Variants in AGAP1 observed in about 807,000 individuals in gnomAD.
AGAP1 encodes arf-GAP with GTPase, ANK repeat and PH domain-containing protein 1.
Under a neutral mutation model 105.3 loss-of-function variants are expected in AGAP1, and 29 were observed. That is an observed-to-expected ratio of 0.28 (90% CI 0.21 to 0.38). The LOEUF is 0.38. Ranked by LOEUF, AGAP1 falls within the 10% of genes least tolerant of loss-of-function variation. AGAP1 has a pLI of 1.00. For missense variants in AGAP1, 998 were observed against 1,165.1 expected (o/e 0.86, Z 2.09); for synonymous variants, 509 against 485.9 (o/e 1.05, Z -0.63).
At chr2:235,498,461 A>G (rs1334410469) in intron 1 of AGAP1, among the ~76,000 whole-genome samples, 1 of 152,174 alleles carries the variant, frequency 6.6e-6, no homozygotes, top group Non-Finnish European at 1.5e-5. Context: ...CGCAGCCACC[A>G]TGCCCAGAAA....
chr2:235,807,055 T>G (rs1447909505), intron 8 of AGAP1, among the ~76,000 whole-genome samples, 184 bp from the exon 9 acceptor site: 1 of 152,198 alleles, frequency 6.6e-6, no homozygotes, highest in East Asian at 1.9e-4. Context: ...ATGATTCTCT[T>G]TAAAAATGAT....
At chr2:235,544,539 C>A (rs1943561336) in intron 1 of AGAP1, among the ~76,000 whole-genome samples, 1 of 152,192 alleles carries the variant, frequency 6.6e-6, no homozygotes, top group Non-Finnish European at 1.5e-5. Flanking sequence ...AGGCGAGGAG[C>A]CAGCCGGGCC....
intron 1 of AGAP1, among the ~76,000 whole-genome samples, chr2:235,523,821 C>T (rs750728339): frequency 7.9e-5 from 12 of 151,240 alleles, no homozygotes; most frequent in Non-Finnish European, 1.6e-4. Context: ...TGGGAGTGAC[C>T]CTGCTTGGAC....
chr2:235,638,735 C>A (rs1037345804), intron 1 of AGAP1, among the ~76,000 whole-genome samples: 3 of 152,158 alleles, frequency 2.0e-5, no homozygotes, highest in Admixed American at 2.0e-4. Context: ...TCTGGCTTGC[C>A]AGTGGAGAAC....
intron 1 of AGAP1, among the ~76,000 whole-genome samples, chr2:235,584,468 A>G (rs1199277344): frequency 1.4e-5 from 2 of 147,566 alleles, no homozygotes; most frequent in Admixed American, 7.0e-5. Flanking sequence ...AGATGAGGTC[A>G]TACTAGATTG....
chr2:235,654,994 T>C (rs1348296881), intron 1 of AGAP1, among the ~76,000 whole-genome samples: 1 of 152,204 alleles, frequency 6.6e-6, no homozygotes, highest in Non-Finnish European at 1.5e-5. Context: ...AAAATGACTT[T>C]CTGATTGAAT....
At position 235,677,277 on chromosome 2, in the gene AGAP1, C is replaced by T. The variant is rs546594576; in HGVS notation, c.164-31902C>T. Among the ~76,000 whole-genome samples, 5 of 152,254 alleles carry T rather than the reference C, an allele frequency of 3.3e-5. No homozygotes were observed. In the South Asian group the frequency reaches 1.0e-3, roughly 32 times the overall value. Reference sequence around the variant, plus strand: ...GACATCACTAACAGCTCTAAAGACTCAAAGCTTACCAGACAGCACGCTTCC... The same window carrying T: ...GACATCACTAACAGCTCTAAAGACTTAAAGCTTACCAGACAGCACGCTTCC... On this transcript the variant is annotated intron_variant, in intron 1 of 17. Transcript: ENST00000304032.
At chr2:236,122,111 A>G (rs2059914251) in intron 17 of AGAP1, among the ~76,000 whole-genome samples, 1 of 151,974 alleles carries the variant, frequency 6.6e-6, no homozygotes, top group Non-Finnish European at 1.5e-5. Flanking sequence ...CACCCCCATG[A>G]ATGGCAGTTT....
chr2:235,894,568 G>GC (rs1478800493), intron 10 of AGAP1, among the ~76,000 whole-genome samples: 7 of 151,960 alleles, frequency 4.6e-5, no homozygotes, highest in Non-Finnish European at 7.4e-5. Context: ...GTGAACACAT[G>GC]CATAGGACCA....
Position 235,769,563 on chromosome 2 carries a change from T to C in AGAP1, c.673+19075T>C, listed in dbSNP as rs1955250381. On this transcript the variant is annotated intron_variant, in intron 6 of 17. Transcript: ENST00000304032. This position sits in a 1 kb window ranked among gnomAD's most constrained non-coding sequence, Gnocchi z 4.4. ...TTGTTAAAGAAATGCAAACAGTTAGTTGTTCCGTTCATGCTGTTGCGTGAG... is the reference window on the plus strand; with the variant it reads ...TTGTTAAAGAAATGCAAACAGTTAGCTGTTCCGTTCATGCTGTTGCGTGAG... 6.6e-6 allele frequency among the ~76,000 whole-genome samples: 1 copy of C among 152,210 alleles called. No individual in the cohort carries two copies. Among genetic ancestry groups the C allele is most frequent in the Non-Finnish European group, 1.5e-5 (1 of 68,040 alleles).
In AGAP1 at chr2:235,971,906, G is replaced by A. The variant is rs958001690; in HGVS notation, c.1645+3283G>A. 2.6e-5 allele frequency among the ~76,000 whole-genome samples: 4 copies of A among 151,052 alleles called. No homozygotes were observed. The highest frequency in any genetic ancestry group is 4.4e-5 in the Non-Finnish European group (3 of 67,798). ...TGATCTTCCCACCTCAGCCTCCCAA[G>A]TAGCTGGGACCACAGGCAGGCACCA... is the stretch of plus-strand genomic sequence containing the variant. On this transcript the variant is annotated intron_variant, in intron 13 of 17. Coordinates refer to ENST00000304032, the MANE Select transcript of AGAP1 (RefSeq NM_001037131.3). The surrounding 1 kb of genome is among the most constrained non-coding windows in gnomAD (Gnocchi z 4.8).
rs550400897 is a variant in AGAP1 at position 236,078,679 on chromosome 2, G to A, written c.2114+29398G>A. On this transcript the variant is annotated intron_variant, in intron 16 of 17. Transcript: ENST00000304032. The surrounding 1 kb of genome is among the most constrained non-coding windows in gnomAD (Gnocchi z 5.3). Reference sequence around the variant, plus strand: ...TTGACTCCAGATGGGTTTCACACACGTCTGTCCCCTACCTGGCTCCTGTGG... The same window carrying A: ...TTGACTCCAGATGGGTTTCACACACATCTGTCCCCTACCTGGCTCCTGTGG... Among the ~76,000 whole-genome samples the A allele has an allele frequency of 4.6e-5, 7 of 152,298 alleles. No homozygotes were observed. Among genetic ancestry groups the A allele is most frequent in the African/African-American group, 1.7e-4 (7 of 41,582 alleles).
chr2:235,669,225 C>T (rs1274374995), intron 1 of AGAP1, among the ~76,000 whole-genome samples: 1 of 152,162 alleles, frequency 6.6e-6, no homozygotes, highest in East Asian at 1.9e-4. Flanking sequence ...TCCTGGAAGC[C>T]CACTTGTTCC....
At chr2:235,682,120 G>A (rs1040170164) in intron 1 of AGAP1, among the ~76,000 whole-genome samples, 1 of 151,986 alleles carries the variant, frequency 6.6e-6, no homozygotes, top group Non-Finnish European at 1.5e-5. Context: ...CAAAGTGCTG[G>A]GATTACAGGC....
chr2:235,612,045 G>A lies in AGAP1; in HGVS notation c.164-97134G>A, dbSNP rs1057425200. On this transcript the variant is annotated intron_variant, in intron 1 of 17. Coordinates refer to ENST00000304032, the MANE Select transcript of AGAP1 (RefSeq NM_001037131.3). The surrounding 1 kb of genome is among the most constrained non-coding windows in gnomAD (Gnocchi z 4.3). ...TAATTATGTAAAATCATTCCTGTCC[G>A]CAGCCTAGAGTCTCACTGGAGAACA... is the stretch of plus-strand genomic sequence containing the variant. Among the ~76,000 whole-genome samples, 1 of 152,182 alleles carries A rather than the reference G, an allele frequency of 6.6e-6. No individual in the cohort carries two copies. The highest frequency in any genetic ancestry group is 2.4e-5 in the African/African-American group (1 of 41,444).
chr2:235,824,773 G>A lies in AGAP1; in HGVS notation c.1050+17442G>A, dbSNP rs1341062409. Among the ~76,000 whole-genome samples, 3 of 152,132 alleles carry A rather than the reference G, an allele frequency of 2.0e-5. No individual in the cohort carries two copies. The highest frequency in any genetic ancestry group is 4.4e-5 in the Non-Finnish European group (3 of 68,034). On this transcript the variant is annotated intron_variant, in intron 9 of 17. Coordinates refer to ENST00000304032, the MANE Select transcript of AGAP1 (RefSeq NM_001037131.3). This position sits in a 1 kb window ranked among gnomAD's most constrained non-coding sequence, Gnocchi z 5.2. The stretch of plus-strand genomic sequence containing the variant: ...GCATTCTTTCGCGGTACCAAGAAAT[G>A]CTCAACCTAAAACACAACTGTGTTT...
chr2:235,858,479 C>G (rs1262673247), intron 9 of AGAP1, among the ~76,000 whole-genome samples: 1 of 152,092 alleles, frequency 6.6e-6, no homozygotes, highest in Non-Finnish European at 1.5e-5. Flanking sequence ...CGTATATATC[C>G]TGTTTGTACA....
chr2:235,908,678 A>G lies in AGAP1; in HGVS notation c.1156-60A>G. ...GACGTCTGATAGACCCTTTTGTTCT[A>G]GGTTGTAAAAGGTCTTTTTTTTTTT... On this transcript the variant is annotated intron_variant, in intron 10 of 17. Coordinates refer to ENST00000304032, the MANE Select transcript of AGAP1 (RefSeq NM_001037131.3). The surrounding 1 kb of genome is among the most constrained non-coding windows in gnomAD (Gnocchi z 4.4). The G allele has an allele frequency of 6.8e-7, 1 of 1,460,970 alleles. No individual in the cohort carries two copies. The highest frequency in any genetic ancestry group is 9.2e-7 in the Non-Finnish European group (1 of 1,084,594). 90.5% of individuals were successfully genotyped at this position (1,460,970 alleles called of 1,614,324 possible).
In AGAP1 at chr2:236,079,767, C is replaced by A. The variant is rs2058734443; in HGVS notation, c.2114+30486C>A. Reference sequence around the variant, plus strand: ...AAGGGGGTGGTACAGACGGAGGGAACCCCCATGCAAAGGTATAAAAGAGGA... The same window carrying A: ...AAGGGGGTGGTACAGACGGAGGGAAACCCCATGCAAAGGTATAAAAGAGGA... On this transcript the variant is annotated intron_variant, in intron 16 of 17. Coordinates refer to ENST00000304032, the MANE Select transcript of AGAP1 (RefSeq NM_001037131.3). 2.6e-5 allele frequency among the ~76,000 whole-genome samples: 4 copies of A among 152,110 alleles called. No homozygotes were observed. The South Asian group carries it at 8.3e-4, about 32-fold the overall frequency.
Sources: allele counts gnomAD v4.1 joint callset (sites outside exome capture counted in the v4.1 genomes callset), GRCh38; gene constraint gnomAD v4.1.1; non-coding constraint Gnocchi (gnomAD v3.1); transcripts MANE v1.5; gene names NCBI Gene and HGNC (gene_info 2026-07-23, HGNC 2026-07-21).